Variants in NEB observed in about 807,000 individuals in gnomAD.
NEB encodes nemaline myopathy type 2.
A neutral mutation model predicts 952.2 loss-of-function variants in NEB; 512 were observed. That is an observed-to-expected ratio of 0.54 (90% CI 0.50 to 0.58). The LOEUF (loss-of-function observed/expected upper bound fraction) is 0.58, where lower values mean the gene tolerates loss of function less well. Ranked by LOEUF, NEB falls within the 20% of genes least tolerant of loss-of-function variation. The pLI is 0.00. For missense variants in NEB, 8,428 were observed against 9,231.1 expected, an observed-to-expected ratio of 0.91 and a Z score of 3.56; for synonymous variants, 2,900 against 3,149.8, an observed-to-expected ratio of 0.92 and a Z score of 2.66.
chr2:151,692,733 G>T (rs1463770707), intron 20 of NEB, among the ~76,000 whole-genome samples: 1 of 152,208 alleles, frequency 6.6e-6, no homozygotes, highest in African/African-American at 2.4e-5. Context: ...ACTTTGGGAA[G>T]CCAAGGTGGG....
At chr2:151,492,517 T>A (rs1477357677) in intron 176 of NEB, 23 bp from the exon 177 acceptor site, 1 of 1,514,342 alleles carries the variant, frequency 6.6e-7, no homozygotes, top group South Asian at 1.1e-5. Flanking sequence ...AGACCGTGAA[T>A]GAGTGGTGCT....
intron 153 of NEB, among the ~76,000 whole-genome samples, chr2:151,520,587 AG>A (rs899174866): frequency 8.5e-5 from 13 of 152,212 alleles, no homozygotes; most frequent in African/African-American, 3.1e-4. Context: ...GATGATAGCC[AG>A]GTGTGGTGGC....
rs933068354 is a variant in NEB, at chr2:151,674,495, C to T, written c.3969G>A (p.Ser1323=). ...DAIPITAAKA[S]RNIASDYKYK... ...TACTCACATCACTGGCAATGTTTCT[C>T]GATGCCTTGGCTGCAGTGATGGGAA... Residue 1323 remains serine (S), a synonymous_variant, in exon 36 of 182, where the codon TCG becomes TCA. Coordinates refer to ENST00000397345, the MANE Select transcript of NEB (RefSeq NM_001164508.2). The T allele has an allele frequency of 4.3e-6, 7 of 1,613,788 alleles. No individual in the cohort carries two copies. Among genetic ancestry groups the T allele is most frequent in the Admixed American group, 1.7e-5 (1 of 60,008 alleles).
chr2:151,631,406 T>C (rs1399553568), intron 65 of NEB, 60 bp from the exon 66 acceptor site: 19 of 1,522,118 alleles, frequency 1.2e-5, no homozygotes, highest in Middle Eastern at 1.7e-4. Flanking sequence ...AGGGTAAATA[T>C]GCAAATAGAA....
At chr2:151,575,188 A>G (rs2096786188) in intron 107 of NEB, among the ~76,000 whole-genome samples, 1 of 152,192 alleles carries the variant, frequency 6.6e-6, no homozygotes, top group Non-Finnish European at 1.5e-5. Flanking sequence ...AGTAGGAAGA[A>G]AAGTGTTTAA....
intron 43 of NEB, 40 bp from the exon 44 acceptor site, chr2:151,664,648 G>T: frequency 6.4e-7 from 1 of 1,555,534 alleles, no homozygotes; most frequent in East Asian, 2.3e-5. Context: ...TCTTGTTATT[G>T]GGGTTAGAAT....
Position 151,565,155 on chromosome 2 carries a change from A to G in NEB, c.18367-7T>C. 1 of 1,378,888 alleles carries G rather than the reference A, an allele frequency of 7.3e-7. No individual in the cohort carries two copies. The highest frequency in any genetic ancestry group is 1.0e-6 in the Non-Finnish European group (1 of 994,332). 85.4% of individuals were successfully genotyped at this position (1,378,888 alleles called of 1,614,324 possible). A position where few individuals can be genotyped will look rare whatever the true frequency, so the allele number is the denominator to read the frequency against. ...ATGTTTCTTTATATTTTACCTAAGGAGAGAAAACCAAATCTTTTATTACTA... is the reference window on the plus strand; with the variant it reads ...ATGTTTCTTTATATTTTACCTAAGGGGAGAAAACCAAATCTTTTATTACTA... On this transcript the variant is annotated splice_polypyrimidine_tract_variant and splice_region_variant and intron_variant, in intron 116 of 181. Coordinates refer to ENST00000397345, the MANE Select transcript of NEB (RefSeq NM_001164508.2).
chr2:151,609,947 C>T lies in NEB; in HGVS notation c.12192G>A (p.Met4064Ile), dbSNP rs776639447. Residue 4064 changes from methionine (M) to isoleucine (I), a missense_variant, in exon 81 of 182, where the codon ATG (methionine) becomes ATA (isoleucine). Around this residue, in one of 11 missense-constraint regions of NEB, gnomAD observed 337 missense variants for 297.5 expected, o/e 1.13. Transcript: ENST00000397345. ...ATTTCTTGGCCAGCAAGATGCTTAA[C>T]ATGTCCACTGGGCTAGAGAACTTGG... ...WKTKFSSPVD[M>I]LSILLAKKCQ... 8 of 1,613,914 alleles carry T rather than the reference C, an allele frequency of 5.0e-6. No individual in the cohort carries two copies. In the Admixed American group the frequency reaches 1.3e-4, roughly 27 times the overall value.
At chr2:151,637,239 G>A (rs1361338388) in intron 63 of NEB, among the ~76,000 whole-genome samples, 1 of 152,212 alleles carries the variant, frequency 6.6e-6, no homozygotes, top group Admixed American at 6.5e-5. Flanking sequence ...AATCAGGGAA[G>A]TTCTTGAAGA....
chr2:151,548,462 C>T, intron 130 of NEB, 47 bp from the exon 131 acceptor site: 2 of 1,245,548 alleles, frequency 1.6e-6, no homozygotes, highest in Non-Finnish European at 2.4e-6. Flanking sequence ...TAAACAAGGA[C>T]CAACATTACA....
chr2:151,692,024 C>A, intron 22 of NEB, 35 bp downstream of exon 22: 1 of 1,606,146 alleles, frequency 6.2e-7, no homozygotes, highest in South Asian at 1.1e-5. Flanking sequence ...CAAACAATGT[C>A]ACTGTGAGGC....
In NEB at chr2:151,717,531, A is replaced by T; in HGVS notation, c.718-11T>A. On this transcript the variant is annotated splice_polypyrimidine_tract_variant and intron_variant, in intron 9 of 181. Transcript: ENST00000397345. ...TTTTTTGTAGGCAACCTGATGAAATAAAAGACAGGGATGTATTTTAAAAAC... is the reference window on the plus strand; with the variant it reads ...TTTTTTGTAGGCAACCTGATGAAATTAAAGACAGGGATGTATTTTAAAAAC... 1.3e-6 allele frequency: 2 copies of T among 1,589,356 alleles called. No individual in the cohort carries two copies. Among genetic ancestry groups the T allele is most frequent in the South Asian group, 2.2e-5 (2 of 90,338 alleles).
rs1031350120 is a variant in NEB, at chr2:151,656,421, A to T, written c.6227T>A (p.Val2076Asp). The T allele has an allele frequency of 2.0e-5, 32 of 1,612,760 alleles. No individual in the cohort carries two copies. The highest frequency in any genetic ancestry group is 2.4e-5 in the Non-Finnish European group (28 of 1,179,260). Reference protein sequence around the residue: ...YNYEKGKGKMVGFRSLEDDPK... With the variant: ...YNYEKGKGKMDGFRSLEDDPK... Reference sequence around the variant, plus strand: ...ATCATCCTCGAGACTGCGGAAACCAACCATTTTCCCCTTCCCTTTTTCATA... The same window carrying T: ...ATCATCCTCGAGACTGCGGAAACCATCCATTTTCCCCTTCCCTTTTTCATA... The change falls in exon 49 of 182, where the codon GTT becomes GAT. Residue 2076 changes from valine to aspartate, a missense_variant. Physicochemically the swap from Val to Asp is radical, Grantham distance 152. Around this residue, in one of 11 missense-constraint regions of NEB, gnomAD observed 2,851 missense variants for 2,791.5 expected, o/e 1.02. Transcript: ENST00000397345.
chr2:151,503,231 C>T (rs762674980), intron 166 of NEB, 118 bp downstream of exon 166: 28 of 759,132 alleles, frequency 3.7e-5, no homozygotes, highest in Non-Finnish European at 5.5e-5. Flanking sequence ...TAATAATACA[C>T]AACACACACA....
chr2:151,681,189 G>A (rs2099411749), intron 29 of NEB, among the ~76,000 whole-genome samples: 1 of 152,210 alleles, frequency 6.6e-6, no homozygotes, highest in East Asian at 1.9e-4. Context: ...GGAGATTGGA[G>A]TGCCTTTGCA....
chr2:151,714,453 AGT>A (rs1300771642), intron 10 of NEB, among the ~76,000 whole-genome samples: 3 of 152,154 alleles, frequency 2.0e-5, no homozygotes, highest in African/African-American at 4.8e-5. Context: ...CCAGGATCCA[AGT>A]TCATAGTCTT....
At position 151,627,912 on chromosome 2, in the gene NEB, T is replaced by C. The variant is rs560724451; in HGVS notation, c.9832-78A>G. ...GCCTCATTAATTTAAAACTTTATTA[T>C]TTTAAAATTGCTAATTCTTGCAGAG... On this transcript the variant is annotated intron_variant, in intron 68 of 181. Transcript: ENST00000397345. 550 of 1,501,008 alleles carry C rather than the reference T, an allele frequency of 3.7e-4. 5 individuals are homozygous for C. In the African/African-American group the frequency reaches 7.2e-3, roughly 20 times the overall value. The allele number at this position is 1,501,008 out of a possible 1,614,324, so 93.0% of individuals were successfully genotyped here.
intron 34 of NEB, among the ~76,000 whole-genome samples, chr2:151,676,436 C>A (rs1431704930): frequency 6.6e-6 from 1 of 152,162 alleles, no homozygotes; most frequent in Non-Finnish European, 1.5e-5. Flanking sequence ...ACACTTGGGG[C>A]CAGCATTGTC....
At chr2:151,538,303 C>A in intron 138 of NEB, 59 bp from the exon 139 acceptor site, 3 of 1,268,026 alleles carry the variant, frequency 2.4e-6, no homozygotes, top group Admixed American at 3.4e-5. Flanking sequence ...TAATTGAGCT[C>A]TTTTAAGCAT....
Sources: allele counts gnomAD v4.1 joint callset (sites outside exome capture counted in the v4.1 genomes callset), GRCh38; gene constraint gnomAD v4.1.1; regional missense constraint gnomAD v4.1.1; transcripts MANE v1.5; gene names NCBI Gene and HGNC (gene_info 2026-07-23, HGNC 2026-07-21).